The following GALNTL6 variants were observed in gnomAD, a reference collection of about 807,000 sequenced individuals.
GALNTL6 encodes polypeptide N-acetylgalactosaminyltransferase like 6, also known as polypeptide N-acetylgalactosaminyltransferase-like 6.
GALNTL6 carries 46 observed loss-of-function variants against 73.7 expected under a neutral mutation model. The ratio of observed to expected loss-of-function variants is 0.62; its 90% CI spans 0.49 to 0.80. The LOEUF (loss-of-function observed/expected upper bound fraction) is 0.80. Among genes scored for constraint, GALNTL6 ranks in the 30% least tolerant of loss-of-function variants. GALNTL6 has a pLI of 0.00. For missense variants in GALNTL6, 604 were observed against 755.0 expected (o/e 0.80, Z 2.34); for synonymous variants, 259 against 263.7 (o/e 0.98, Z 0.17).
At chr4:171,824,822 ACTT>A (rs35994940) in intron 2 of GALNTL6, among the ~76,000 whole-genome samples, 231 of 152,250 alleles carry the variant, frequency 1.5e-3, no homozygotes, top group South Asian at 4.3e-3. Flanking sequence ...ATCATGTTTA[ACTT>A]CTTCTTTCAC....
intron 5 of GALNTL6, among the ~76,000 whole-genome samples, chr4:172,682,012 A>G (rs535029762): frequency 5.8e-4 from 89 of 152,306 alleles, no homozygotes; most frequent in African/African-American, 2.0e-3. Flanking sequence ...AAATCATTTG[A>G]TTTCACAAAA....
intron 5 of GALNTL6, among the ~76,000 whole-genome samples, chr4:172,426,696 C>T (rs538193984): frequency 6.6e-5 from 10 of 152,156 alleles, no homozygotes; most frequent in African/African-American, 2.4e-4. Context: ...GTTTATTTAC[C>T]GATATAGCTA....
chr4:172,769,904 TAA>T (rs1560940514), intron 5 of GALNTL6, among the ~76,000 whole-genome samples: 1 of 152,178 alleles, frequency 6.6e-6, no homozygotes, highest in Non-Finnish European at 1.5e-5. Flanking sequence ...AACAACTATT[TAA>T]CCGGTTTGAC....
At chr4:172,648,546 A>G (rs1740341558) in intron 5 of GALNTL6, among the ~76,000 whole-genome samples, 1 of 152,166 alleles carries the variant, frequency 6.6e-6, no homozygotes, top group African/African-American at 2.4e-5. Flanking sequence ...CCAAAGTCAC[A>G]TGACTCATAA....
chr4:172,332,363 C>T (rs1220151627), intron 4 of GALNTL6, among the ~76,000 whole-genome samples: 1 of 151,954 alleles, frequency 6.6e-6, no homozygotes, highest in Admixed American at 6.6e-5. Context: ...AGCATAGGCA[C>T]CCTACTCTGC....
At chr4:172,441,890 G>A (rs939878859) in intron 5 of GALNTL6, among the ~76,000 whole-genome samples, 2 of 60,840 alleles carry the variant, frequency 3.3e-5, no homozygotes, top group African/African-American at 1.2e-4. Flanking sequence ...AGTTTCATGA[G>A]ATAAGAATTG....
At chr4:172,745,171 C>A (rs190310257) in intron 5 of GALNTL6, among the ~76,000 whole-genome samples, 1 of 151,150 alleles carries the variant, frequency 6.6e-6, no homozygotes, top group East Asian at 2.0e-4. Flanking sequence ...GCAAGAAATT[C>A]TATAATGTAA....
intron 5 of GALNTL6, among the ~76,000 whole-genome samples, chr4:172,353,082 A>G (rs1741995441): frequency 6.6e-6 from 1 of 152,134 alleles, no homozygotes; most frequent in Non-Finnish European, 1.5e-5. Flanking sequence ...TCTGCATTTC[A>G]ACAGGATCTA....
chr4:172,259,752 A>G (rs1246290912), intron 3 of GALNTL6, among the ~76,000 whole-genome samples: 2 of 151,688 alleles, frequency 1.3e-5, no homozygotes, highest in Non-Finnish European at 3.0e-5. Flanking sequence ...CCTTAGATTT[A>G]AGTCTTTGAT....
intron 2 of GALNTL6, among the ~76,000 whole-genome samples, chr4:172,078,439 T>C (rs1187403099): frequency 1.3e-5 from 2 of 152,174 alleles, no homozygotes; most frequent in African/African-American, 4.8e-5. Flanking sequence ...CCTTTTTTCA[T>C]AAATTACACA....
chr4:172,065,402 C>A (rs1290786096), intron 2 of GALNTL6, among the ~76,000 whole-genome samples: 2 of 152,128 alleles, frequency 1.3e-5, no homozygotes, highest in Non-Finnish European at 2.9e-5. Context: ...AGGCCACAGG[C>A]TGATACAGGT....
intron 2 of GALNTL6, among the ~76,000 whole-genome samples, chr4:171,833,973 A>G (rs1007068176): frequency 2.6e-5 from 4 of 151,792 alleles, no homozygotes; most frequent in Admixed American, 2.0e-4. Context: ...AACAGTTTGC[A>G]TAGATGTTTT....
chr4:172,341,407 C>T (rs951062504), intron 4 of GALNTL6, among the ~76,000 whole-genome samples: 38 of 147,136 alleles, frequency 2.6e-4, no homozygotes, highest in African/African-American at 7.2e-4. Flanking sequence ...GCCGAGATCC[C>T]GCCACTGCAC....
In GALNTL6 at chr4:172,458,799, G is replaced by A. The variant is rs368770083; in HGVS notation, c.553+110110G>A. Among the ~76,000 whole-genome samples, 3 of 152,278 alleles carry A rather than the reference G, an allele frequency of 2.0e-5. No individual in the cohort carries two copies. In the East Asian group the frequency reaches 5.8e-4, roughly 29 times the overall value. ...CTACCAGAGGTGCAAAGAGGAGCTG[G>A]TGCCATTCCTTCTGAAACTATTCCA... On this transcript the variant is annotated intron_variant, in intron 5 of 12. Coordinates refer to ENST00000506823, the MANE Select transcript of GALNTL6 (RefSeq NM_001034845.3).
At chr4:172,519,104 A>G (rs922408825) in intron 5 of GALNTL6, among the ~76,000 whole-genome samples, 65 of 151,398 alleles carry the variant, frequency 4.3e-4, no homozygotes, top group African/African-American at 1.4e-3. Context: ...ATATACACAC[A>G]CACACACACA....
intron 2 of GALNTL6, among the ~76,000 whole-genome samples, chr4:171,833,023 A>G (rs1735019254): frequency 6.6e-6 from 1 of 151,782 alleles, no homozygotes; most frequent in Non-Finnish European, 1.5e-5. Flanking sequence ...ATAAAATATC[A>G]TGGAATGGTC....
chr4:172,817,005 G>A (rs1741639963), intron 7 of GALNTL6, among the ~76,000 whole-genome samples: 1 of 151,526 alleles, frequency 6.6e-6, no homozygotes, highest in Non-Finnish European at 1.5e-5. Context: ...CTACTTAGGA[G>A]GCTGAGGCAG....
chr4:172,515,167 G>A (rs2110800946), intron 5 of GALNTL6, among the ~76,000 whole-genome samples: 1 of 152,204 alleles, frequency 6.6e-6, no homozygotes, highest in East Asian at 1.9e-4. Flanking sequence ...ACCCAACTTA[G>A]TTCACAAGTG....
chr4:172,924,984 G>C lies in GALNTL6; in HGVS notation c.1042-6177G>C, dbSNP rs550470834. Among the ~76,000 whole-genome samples the C allele has an allele frequency of 3.9e-5, 6 of 152,168 alleles. No homozygotes were observed. In the South Asian group the frequency reaches 1.2e-3, roughly 32 times the overall value. On this transcript the variant is annotated intron_variant, in intron 8 of 12. Transcript: ENST00000506823. ...CCTCCCGGGTTCACGCCATTCTCCT[G>C]CCTCAGCCTCCCGAGTACCTGGGAC...
Sources: gnomAD v4.1 joint callset for allele counts (sites outside exome capture counted in the v4.1 genomes callset) on GRCh38, gnomAD v4.1.1 for gene constraint, MANE v1.5 for transcripts, NCBI Gene and HGNC (gene_info 2026-07-23, HGNC 2026-07-21) for gene names.